Variants in MYO16 observed in about 807,000 individuals in gnomAD.
MYO16 encodes the protein myosin XVI.
MYO16 carries 94 observed loss-of-function variants against 205.3 expected under a neutral mutation model. The observed-to-expected ratio is 0.46, with a 90% CI of 0.39 to 0.54. The LOEUF (loss-of-function observed/expected upper bound fraction) is 0.54. Among genes scored for constraint, MYO16 ranks in the 20% least tolerant of loss-of-function variants. The pLI is 0.00. For synonymous variants in MYO16, 988 were observed against 954.0 expected (o/e 1.04, Z -0.66); for missense variants, 2,315 against 2,387.5 (o/e 0.97, Z 0.63).
At chr13:108,833,957 CAA>C (rs571880710) in intron 9 of MYO16, among the ~76,000 whole-genome samples, 45 of 151,832 alleles carry the variant, frequency 3.0e-4, no homozygotes, top group Non-Finnish European at 5.0e-4. Context: ...TTTTTCTCAC[CAA>C]ATAAAGTTCT....
chr13:108,887,277 C>A (rs1442548314), intron 13 of MYO16, among the ~76,000 whole-genome samples: 1 of 152,140 alleles, frequency 6.6e-6, no homozygotes, highest in African/African-American at 2.4e-5. Context: ...ATTAACGACT[C>A]GACACTTTAA....
intron 28 of MYO16, chr13:109,101,936 T>C (rs960493509): frequency 6.6e-6 from 1 of 152,086 alleles, no homozygotes; most frequent in African/African-American, 2.4e-5. Flanking sequence ...GGTCCAAAAG[T>C]GGCCCAGTCT....
chr13:108,921,429 CTT>C (rs1413979960), intron 16 of MYO16, among the ~76,000 whole-genome samples: 1 of 152,200 alleles, frequency 6.6e-6, no homozygotes, highest in East Asian at 1.9e-4. Flanking sequence ...AAAATGCTCT[CTT>C]ATCAGTGTGT....
chr13:108,713,715 A>G (rs1231925759), intron 3 of MYO16, among the ~76,000 whole-genome samples: 1 of 152,250 alleles, frequency 6.6e-6, no homozygotes, highest in Non-Finnish European at 1.5e-5. Flanking sequence ...AATGCAAGTT[A>G]TTATACAGTC....
At chr13:108,736,502 A>C (rs545877069) in intron 4 of MYO16, among the ~76,000 whole-genome samples, 7 of 152,158 alleles carry the variant, frequency 4.6e-5, no homozygotes, top group Non-Finnish European at 8.8e-5. Context: ...ATTGGTCTAT[A>C]TCTCTGTTTT....
At position 108,665,945 on chromosome 13, in the gene MYO16, C is replaced by T; in HGVS notation, c.88C>T (p.Leu30=). ...TGAGATGGAAATCGACCAGTGCTTG[C>T]TAGAGTCCCTTCCCCTTGGCCAACG... ...SHEMEIDQCL[L]ESLPLGQRQR... is the part of the protein sequence containing the mutation. The change falls in exon 2 of 35, where the codon CTA becomes TTA. Residue 30 remains leucine, a synonymous_variant. Transcript: ENST00000457511. The T allele has an allele frequency of 6.2e-7, 1 of 1,614,102 alleles. No homozygotes were observed. Among genetic ancestry groups the T allele is most frequent in the Non-Finnish European group, 8.5e-7 (1 of 1,179,964 alleles).
chr13:108,969,685 C>G (rs886722198), intron 20 of MYO16, among the ~76,000 whole-genome samples: 81 of 152,220 alleles, frequency 5.3e-4, no homozygotes, highest in African/African-American at 1.9e-3. Context: ...ACAGTGTTAG[C>G]ACGTTTGAGA....
intron 11 of MYO16, among the ~76,000 whole-genome samples, chr13:108,863,194 T>C (rs1878534282): frequency 6.6e-6 from 1 of 152,172 alleles, no homozygotes; most frequent in Non-Finnish European, 1.5e-5. Context: ...CATACCTTTT[T>C]TTCTTGCATT....
At chr13:109,178,841 A>G (rs559138176) in intron 33 of MYO16, among the ~76,000 whole-genome samples, 5 of 152,344 alleles carry the variant, frequency 3.3e-5, no homozygotes, top group African/African-American at 9.6e-5. Flanking sequence ...CAAAATTCCA[A>G]TAGTGCAGAG....
chr13:108,888,533 C>A, intron 14 of MYO16, 56 bp downstream of exon 14: 4 of 1,292,984 alleles, frequency 3.1e-6, no homozygotes, highest in South Asian at 2.7e-5. Context: ...AGCCAGTTGT[C>A]ATTTACAAAT....
intron 1 of MYO16, among the ~76,000 whole-genome samples, chr13:108,603,347 T>G (rs956983481): frequency 6.6e-6 from 1 of 152,202 alleles, no homozygotes; most frequent in South Asian, 2.1e-4. Flanking sequence ...GAATTGTTAA[T>G]TGGCTCTAAA....
intron 27 of MYO16, among the ~76,000 whole-genome samples, chr13:109,085,298 A>G (rs766207663): frequency 9.9e-5 from 15 of 152,196 alleles, no homozygotes; most frequent in Non-Finnish European, 1.9e-4. Context: ...GATGAGAGTA[A>G]TTGAGGAAGA....
chr13:108,566,868 A>C, the MYO16 span, among the ~76,000 whole-genome samples: 3 of 152,164 alleles, frequency 2.0e-5, no homozygotes, highest in African/African-American at 7.2e-5. Context: ...TCCAAGTGGA[A>C]GCAAAATGTT....
At chr13:108,578,554 A>C in the MYO16 span, among the ~76,000 whole-genome samples, 1 of 152,144 alleles carries the variant, frequency 6.6e-6, no homozygotes, top group Non-Finnish European at 1.5e-5. Context: ...GGTGCTGTGT[A>C]CTTATAAAGA....
chr13:108,960,604 C>G (rs1357340949), intron 17 of MYO16, among the ~76,000 whole-genome samples: 1 of 152,130 alleles, frequency 6.6e-6, no homozygotes, highest in Non-Finnish European at 1.5e-5. Context: ...CAGCATTGTT[C>G]TTAGAACCGC....
At chr13:108,861,982 A>T (rs74119672) in intron 11 of MYO16, among the ~76,000 whole-genome samples, 131 of 152,322 alleles carry the variant, frequency 8.6e-4, no homozygotes, top group African/African-American at 3.1e-3. Context: ...GACCTGTTTA[A>T]GAAAGCTTGG....
At chr13:108,664,408 T>C (rs921579237) in intron 1 of MYO16, among the ~76,000 whole-genome samples, 2 of 152,196 alleles carry the variant, frequency 1.3e-5, no homozygotes, top group African/African-American at 4.8e-5. Context: ...TCACAACCTC[T>C]CTCAACTTGG....
chr13:108,555,350 T>C, the MYO16 span, among the ~76,000 whole-genome samples: 3 of 152,202 alleles, frequency 2.0e-5, no homozygotes, highest in Non-Finnish European at 4.4e-5. Flanking sequence ...ATGTGTTCAT[T>C]GTGTACAATA....
At chr13:108,785,969 A>G (rs1306607773) in intron 5 of MYO16, among the ~76,000 whole-genome samples, 4 of 152,242 alleles carry the variant, frequency 2.6e-5, no homozygotes, top group Admixed American at 2.6e-4. Flanking sequence ...AGAGGCCAAC[A>G]ATGAAGGGAC....
Sources: gnomAD v4.1 joint callset for allele counts (sites outside exome capture counted in the v4.1 genomes callset) on GRCh38, gnomAD v4.1.1 for gene constraint, MANE v1.5 for transcripts, NCBI Gene and HGNC (gene_info 2026-07-23, HGNC 2026-07-21) for gene names.